The following NRXN3 variants were observed in gnomAD, a reference collection of about 807,000 sequenced individuals.
The protein encoded by NRXN3 is neurexin III.
In NRXN3, 32 loss-of-function variants were observed where a neutral mutation model predicts 137.6. That is an observed-to-expected ratio of 0.23 (90% CI 0.18 to 0.31). NRXN3 has a LOEUF of 0.31. NRXN3 is among the 10% of genes least tolerant of loss of function. The pLI, the probability that NRXN3 is intolerant of heterozygous loss-of-function variation, is 1.00. For synonymous variants in NRXN3, 798 were observed against 784.5 expected, an observed-to-expected ratio of 1.02 and a Z score of -0.29; for missense variants, 1,574 against 2,062.5, an observed-to-expected ratio of 0.76 and a Z score of 4.59.
intron 15 of NRXN3, among the ~76,000 whole-genome samples, chr14:79,017,859 T>C (rs2099581888): frequency 6.6e-6 from 1 of 151,986 alleles, no homozygotes. Context: ...GGCAAATCTG[T>C]GCATGTTTTT....
Position 79,866,408 on chromosome 14 carries a change from G to C in NRXN3, c.*4444G>C, listed in dbSNP as rs1027015102. ...AAGTTGGGAGCTTAGAAGAAATTAT[G>C]TAAGGGAAGGCTTCATAGAAGGGGT... On this transcript the variant is annotated 3_prime_UTR_variant, in exon 21 of 21. Coordinates refer to ENST00000335750, the MANE Select transcript of NRXN3 (RefSeq NM_001330195.2). 8.5e-5 allele frequency: 13 copies of C among 152,200 alleles called. No individual in the cohort carries two copies. Among genetic ancestry groups the C allele is most frequent in the African/African-American group, 3.1e-4 (13 of 41,444 alleles). The allele number at this position is 152,200 out of a possible 1,614,324, so 9.4% of individuals were successfully genotyped here.
chr14:79,005,749 A>G (rs1420469327), intron 15 of NRXN3, among the ~76,000 whole-genome samples: 2 of 152,018 alleles, frequency 1.3e-5, no homozygotes, highest in East Asian at 3.9e-4. Flanking sequence ...TGTGGTGTTT[A>G]CATGTTTATA....
At chr14:78,867,768 G>A (rs10134837) in intron 10 of NRXN3, among the ~76,000 whole-genome samples, 2,663 of 152,100 alleles carry the variant, frequency 0.018, 82 homozygotes, top group African/African-American at 0.061. Context: ...GTACTCTTTT[G>A]TCCTCCAATT....
At chr14:79,037,507 G>C (rs965909591) in intron 15 of NRXN3, among the ~76,000 whole-genome samples, 1 of 152,060 alleles carries the variant, frequency 6.6e-6, no homozygotes, top group African/African-American at 2.4e-5. Flanking sequence ...CTTAAAATCG[G>C]GGTGAAGCAA....
intron 14 of NRXN3, among the ~76,000 whole-genome samples, chr14:78,972,377 C>T (rs1415739454): frequency 6.6e-6 from 1 of 152,090 alleles, no homozygotes; most frequent in Non-Finnish European, 1.5e-5. Flanking sequence ...TTTGGTGTTC[C>T]CAAATCACCG....
At chr14:78,994,391 T>TA (rs916084292) in intron 15 of NRXN3, among the ~76,000 whole-genome samples, 4 of 151,662 alleles carry the variant, frequency 2.6e-5, no homozygotes, top group Admixed American at 1.3e-4. Context: ...TTTCAAGATA[T>TA]AAAAAAAAAT....
intron 10 of NRXN3, among the ~76,000 whole-genome samples, chr14:78,898,001 C>A (rs1432171549): frequency 6.6e-6 from 1 of 151,918 alleles, no homozygotes; most frequent in Non-Finnish European, 1.5e-5. Context: ...AGAACGTATT[C>A]TGCCTTACTT....
chr14:78,910,522 C>G (rs185626056), intron 10 of NRXN3, among the ~76,000 whole-genome samples: 2 of 152,148 alleles, frequency 1.3e-5, no homozygotes, highest in Admixed American at 1.3e-4. Flanking sequence ...CCACCTAGAG[C>G]ATTTTCCCCC....
intron 1 of NRXN3, among the ~76,000 whole-genome samples, chr14:78,176,327 G>A (rs2059263480): frequency 3.3e-5 from 5 of 150,534 alleles, no homozygotes; most frequent in Middle Eastern, 3.5e-3. Flanking sequence ...TAATAGTCGT[G>A]ATATAGCTAT....
intron 16 of NRXN3, among the ~76,000 whole-genome samples, chr14:79,491,640 C>A (rs1418111112): frequency 6.6e-6 from 1 of 151,188 alleles, no homozygotes; most frequent in Non-Finnish European, 1.5e-5. Context: ...CTACTTTTCA[C>A]CCTAAAATAA....
chr14:78,249,006 T>A (rs560809380), intron 2 of NRXN3, among the ~76,000 whole-genome samples: 2 of 152,332 alleles, frequency 1.3e-5, no homozygotes, highest in African/African-American at 4.8e-5. Context: ...AAGTGAGATT[T>A]CCTGGGTATA....
intron 15 of NRXN3, among the ~76,000 whole-genome samples, chr14:79,059,107 G>A (rs1165071735): frequency 2.0e-5 from 3 of 152,154 alleles, no homozygotes; most frequent in Non-Finnish European, 4.4e-5. Flanking sequence ...TTACCAAGTA[G>A]ATGACATTTC....
chr14:78,901,470 T>C (rs2099196170), intron 10 of NRXN3, among the ~76,000 whole-genome samples: 1 of 152,030 alleles, frequency 6.6e-6, no homozygotes, highest in African/African-American at 2.4e-5. Context: ...TCTGATGTCA[T>C]AGCTTATGAA....
chr14:79,264,978 G>GTA (rs1474562720), intron 15 of NRXN3, among the ~76,000 whole-genome samples: 1 of 151,798 alleles, frequency 6.6e-6, no homozygotes, highest in Non-Finnish European at 1.5e-5. Context: ...ATATGTGTGT[G>GTA]TATATATACA....
chr14:78,348,349 T>C (rs1358135775), intron 4 of NRXN3, among the ~76,000 whole-genome samples: 1 of 152,208 alleles, frequency 6.6e-6, no homozygotes, highest in Non-Finnish European at 1.5e-5. Context: ...CCTCCATTTG[T>C]TGGCCAGTTG....
intron 19 of NRXN3, among the ~76,000 whole-genome samples, chr14:79,733,836 A>C (rs368139132): frequency 1.3e-5 from 2 of 152,072 alleles, no homozygotes; most frequent in East Asian, 1.9e-4. Context: ...TTCCTGTGGG[A>C]TTTTCAGCAC....
At chr14:78,896,249 G>A (rs1264901745) in intron 10 of NRXN3, among the ~76,000 whole-genome samples, 1 of 151,896 alleles carries the variant, frequency 6.6e-6, no homozygotes, top group Non-Finnish European at 1.5e-5. Flanking sequence ...GCATTGCCTA[G>A]TAAAATCATT....
chr14:79,101,502 T>C (rs2051293425), intron 15 of NRXN3, among the ~76,000 whole-genome samples: 1 of 152,192 alleles, frequency 6.6e-6, no homozygotes, highest in East Asian at 1.9e-4. Flanking sequence ...TGTGGGTCTT[T>C]TGGCTGTAGT....
At chr14:79,691,116 C>T (rs2098714863) in intron 17 of NRXN3, among the ~76,000 whole-genome samples, 1 of 151,968 alleles carries the variant, frequency 6.6e-6, no homozygotes, top group African/African-American at 2.4e-5. Context: ...GAAGCATATT[C>T]ATTAAGGGTG....
Sources: gnomAD v4.1 joint callset for allele counts (sites outside exome capture counted in the v4.1 genomes callset) on GRCh38, gnomAD v4.1.1 for gene constraint, MANE v1.5 for transcripts, NCBI Gene and HGNC (gene_info 2026-07-23, HGNC 2026-07-21) for gene names.